The following ASZ1 variants were observed in gnomAD, a reference collection of about 807,000 sequenced individuals.
ASZ1 encodes ankyrin repeat, SAM and basic leucine zipper domain-containing protein 1.
In ASZ1, 67 loss-of-function variants were observed where a neutral mutation model predicts 61.8. The ratio of observed to expected loss-of-function variants is 1.08; its 90% CI spans 0.89 to 1.33. ASZ1 has a LOEUF of 1.33. Ranked by LOEUF, ASZ1 falls within the 40% of genes most tolerant of loss-of-function variation. The probability of loss-of-function intolerance (pLI) is 0.00; values close to 1 mark genes in which losing one functional copy is unlikely to be tolerated. For synonymous variants in ASZ1, 193 were observed against 192.7 expected, an observed-to-expected ratio of 1.00 and a Z score of -0.01; for missense variants, 577 against 554.5, an observed-to-expected ratio of 1.04 and a Z score of -0.41.
chr7:117,412,701 CCTTAT>C (rs1421731857), intron 4 of ASZ1, among the ~76,000 whole-genome samples: 4 of 151,624 alleles, frequency 2.6e-5, no homozygotes, highest in African/African-American at 7.3e-5. Flanking sequence ...TTTACAAAAC[CCTTAT>C]CTTATGACTG....
rs1478744090 is a variant in ASZ1 at position 117,389,558 on chromosome 7, A to C, written c.441-3749T>G. Among the ~76,000 whole-genome samples, 5 of 152,124 alleles carry C rather than the reference A, an allele frequency of 3.3e-5. No individual in the cohort carries two copies. In the East Asian group the frequency reaches 7.7e-4, roughly 23 times the overall value. On this transcript the variant is annotated intron_variant, in intron 4 of 12. Coordinates refer to ENST00000284629, the MANE Select transcript of ASZ1 (RefSeq NM_130768.3). ...ATTTTGAAACAAACCAGGCAGAGAG[A>C]TACAGCTCCCACTTAGGGGTAGTTA...
chr7:117,416,112 G>A (rs75817231), intron 4 of ASZ1, among the ~76,000 whole-genome samples: 3 of 152,066 alleles, frequency 2.0e-5, no homozygotes, highest in East Asian at 1.9e-4. Flanking sequence ...ACCTGAACCC[G>A]GCAGCTGGAG....
chr7:117,410,889 T>A (rs1039767866), intron 4 of ASZ1, among the ~76,000 whole-genome samples: 1 of 151,726 alleles, frequency 6.6e-6, no homozygotes, highest in Admixed American at 6.6e-5. Context: ...TTACATCTAC[T>A]TTATTTTTGT....
At chr7:117,371,369 G>C (rs1584717223) in intron 10 of ASZ1, among the ~76,000 whole-genome samples, 1 of 152,050 alleles carries the variant, frequency 6.6e-6, no homozygotes, top group Non-Finnish European at 1.5e-5. Context: ...CACTTTAACA[G>C]TTTTATAAAA....
intron 2 of ASZ1, among the ~76,000 whole-genome samples, chr7:117,425,234 T>A (rs918444087): frequency 1.3e-5 from 2 of 151,578 alleles, no homozygotes; most frequent in East Asian, 3.9e-4. Context: ...CTGAAGTAAA[T>A]GCTTGTTATT....
At chr7:117,383,981 T>C (rs1338827992) in intron 6 of ASZ1, among the ~76,000 whole-genome samples, 3 of 152,084 alleles carry the variant, frequency 2.0e-5, no homozygotes, top group Non-Finnish European at 2.9e-5. Context: ...AGGAAGTTAC[T>C]TTATATGCAG....
At chr7:117,427,331 G>C in intron 1 of ASZ1, 25 bp downstream of exon 1, 1 of 1,612,396 alleles carries the variant, frequency 6.2e-7, no homozygotes, top group Non-Finnish European at 8.5e-7. Flanking sequence ...ACCAGGTGTG[G>C]TCAAGACAAG....
intron 8 of ASZ1, among the ~76,000 whole-genome samples, chr7:117,381,685 A>C (rs549348941): frequency 6.6e-6 from 1 of 152,110 alleles, no homozygotes; most frequent in South Asian, 2.1e-4. Flanking sequence ...TTATGAAGAA[A>C]ATGAGATATT....
At chr7:117,403,018 C>T (rs764444952) in intron 4 of ASZ1, among the ~76,000 whole-genome samples, 9 of 152,202 alleles carry the variant, frequency 5.9e-5, no homozygotes, top group South Asian at 4.2e-4. Flanking sequence ...GGTAGTCCAT[C>T]GACTGACATT....
intron 4 of ASZ1, among the ~76,000 whole-genome samples, chr7:117,394,299 G>A (rs1209102531): frequency 1.3e-5 from 2 of 152,072 alleles, no homozygotes; most frequent in Admixed American, 1.3e-4. Context: ...GCCTAGGTTG[G>A]TCTCAAACTC....
intron 4 of ASZ1, among the ~76,000 whole-genome samples, chr7:117,412,079 T>TGTGTGTGTGA (rs1554364841): frequency 1.3e-5 from 2 of 150,420 alleles, no homozygotes; most frequent in African/African-American, 4.9e-5. Context: ...TGTGTGTGTG[T>TGTGTGTGTGA]GACTGTGTGT....
At position 117,424,474 on chromosome 7, in the gene ASZ1, C is replaced by T. The variant is rs531975958; in HGVS notation, c.206-2115G>A. On this transcript the variant is annotated intron_variant, in intron 2 of 12. Transcript: ENST00000284629. ...GGACAATGGTAAAGAAATCTTTCTC[C>T]TTCTACCTATATCTCTATTACTGCC... 7.9e-5 allele frequency among the ~76,000 whole-genome samples: 12 copies of T among 152,208 alleles called. No individual in the cohort carries two copies. In the South Asian group the frequency reaches 8.3e-4, roughly 11 times the overall value.
chr7:117,413,606 C>A lies in ASZ1; in HGVS notation c.440+6557G>T, dbSNP rs142261689. On this transcript the variant is annotated intron_variant, in intron 4 of 12. Transcript: ENST00000284629. ...TGTCCTAGAGGCTTAATTTTAAAAA[C>A]GGCTTTCAAGTTGTAAGTTTTTACC... is the stretch of plus-strand genomic sequence containing the variant. Among the ~76,000 whole-genome samples the A allele has an allele frequency of 3.2e-3, 487 of 151,958 alleles. 1 individual carries two copies. The highest frequency in any genetic ancestry group is 0.01 in the Admixed American group (155 of 15,240).
At chr7:117,376,874 G>A (rs1796147250) in intron 10 of ASZ1, among the ~76,000 whole-genome samples, 1 of 151,994 alleles carries the variant, frequency 6.6e-6, no homozygotes, top group African/African-American at 2.4e-5. Flanking sequence ...AGATTGGGAA[G>A]AAGGCAAGAA....
At chr7:117,368,274 A>C in intron 11 of ASZ1, 1 of 980,208 alleles carries the variant, frequency 1.0e-6, no homozygotes, top group Non-Finnish European at 1.2e-6. Flanking sequence ...TTTTATTGAT[A>C]TGGTTTTTAA....
In ASZ1 at chr7:117,427,441, C is replaced by G. The variant is rs777726233; in HGVS notation, c.20G>C (p.Arg7Pro). The G allele has an allele frequency of 1.9e-6, 3 of 1,613,910 alleles. No homozygotes were observed. The highest frequency in any genetic ancestry group is 2.5e-6 in the Non-Finnish European group (3 of 1,179,944). MAASAL[R>P]GLPVAGGGES... ...GCCTCCGCCAGCCACTGGCAGGCCT[C>G]GCAGCGCGCTCGCCGCCATGCCAGC... The change falls in exon 1 of 13, where the codon CGA becomes CCA. Residue 7 changes from arginine to proline, a missense_variant. Arg to Pro is a moderately radical substitution (Grantham distance 103). Coordinates refer to ENST00000284629, the MANE Select transcript of ASZ1 (RefSeq NM_130768.3).
intron 10 of ASZ1, among the ~76,000 whole-genome samples, chr7:117,375,524 G>C (rs964013289): frequency 2.0e-5 from 3 of 151,924 alleles, no homozygotes; most frequent in Non-Finnish European, 2.9e-5. Context: ...TAATTTTTGA[G>C]AGATTTGCTT....
chr7:117,418,996 C>A lies in ASZ1; in HGVS notation c.440+1167G>T, dbSNP rs777175207. 3.3e-5 allele frequency among the ~76,000 whole-genome samples: 5 copies of A among 152,174 alleles called. 1 individual carries two copies. The South Asian group carries it at 1.0e-3, about 32-fold the overall frequency. On this transcript the variant is annotated intron_variant, in intron 4 of 12. Transcript: ENST00000284629. ...ACAGGTTTGCAGGTAGTTTCTCTGCCAGTTCTTTTTTATCTTTGTTTAAAT... is the reference window on the plus strand; with the variant it reads ...ACAGGTTTGCAGGTAGTTTCTCTGCAAGTTCTTTTTTATCTTTGTTTAAAT...
intron 4 of ASZ1, among the ~76,000 whole-genome samples, chr7:117,414,870 T>C (rs1052263567): frequency 2.6e-5 from 4 of 152,180 alleles, no homozygotes; most frequent in African/African-American, 9.7e-5. Context: ...ATTTTCTTTA[T>C]CTAGTCTGTC....
Sources: gnomAD v4.1 joint callset for allele counts (sites outside exome capture counted in the v4.1 genomes callset) on GRCh38, gnomAD v4.1.1 for gene constraint, MANE v1.5 for transcripts, NCBI Gene and HGNC (gene_info 2026-07-23, HGNC 2026-07-21) for gene names.